SEC24A: variants seen among roughly 807,000 people sequenced by gnomAD.
SEC24A encodes the protein SEC24 homolog A, COPII component, also known as protein transport protein Sec24A.
In SEC24A, 93 loss-of-function variants were observed where a neutral mutation model predicts 129.4. That is an observed-to-expected ratio of 0.72 (90% CI 0.61 to 0.85). The LOEUF (loss-of-function observed/expected upper bound fraction) is 0.85. SEC24A is among the 40% of genes least tolerant of loss of function. SEC24A has a pLI of 0.00. For missense variants in SEC24A, 1,264 were observed against 1,307.4 expected (o/e 0.97, Z 0.51); for synonymous variants, 460 against 467.3 (o/e 0.98, Z 0.20).
At chr5:134,690,976 G>A (rs1406145666) in intron 11 of SEC24A, among the ~76,000 whole-genome samples, 7 of 151,716 alleles carry the variant, frequency 4.6e-5, no homozygotes, top group East Asian at 2.0e-4. Context: ...TCAGCCTTCC[G>A]AGTAGCTGGG....
rs1464324158 is a variant in SEC24A, at chr5:134,693,124, A to G, written c.1779+467A>G. ...TGAGAGGTGAACAGAATGTGTCTGA[A>G]GGGGGGATGTTGTCTACCCTGTACA... On this transcript the variant is annotated intron_variant, in intron 12 of 22. Transcript: ENST00000398844. 2.6e-6 allele frequency: 4 copies of G among 1,535,614 alleles called. No individual in the cohort carries two copies. In the East Asian group the frequency reaches 9.8e-5, roughly 38 times the overall value.
chr5:134,691,418 C>T (rs1180462865), intron 11 of SEC24A, among the ~76,000 whole-genome samples: 1 of 151,466 alleles, frequency 6.6e-6, no homozygotes, highest in Non-Finnish European at 1.5e-5. Context: ...CCACCTGCCT[C>T]AGCCTCCCAA....
At chr5:134,651,455 C>T (rs148828469) in intron 1 of SEC24A, among the ~76,000 whole-genome samples, 1,838 of 150,908 alleles carry the variant, frequency 0.012, 21 homozygotes, top group East Asian at 0.035. Context: ...CCACCACAAC[C>T]GGCTAATTTT....
intron 1 of SEC24A, among the ~76,000 whole-genome samples, chr5:134,654,038 G>A (rs1750154069): frequency 6.6e-6 from 1 of 151,252 alleles, no homozygotes; most frequent in South Asian, 2.1e-4. Flanking sequence ...GCCAGCCTGT[G>A]GTCCCAGCTA....
At chr5:134,704,381 T>TTACC (rs1371693420) in intron 16 of SEC24A, among the ~76,000 whole-genome samples, 1 of 152,122 alleles carries the variant, frequency 6.6e-6, no homozygotes, top group African/African-American at 2.4e-5. Context: ...AAAATTTTCA[T>TTACC]TACCAAAAGC....
intron 15 of SEC24A, among the ~76,000 whole-genome samples, chr5:134,700,512 C>A (rs1751973888): frequency 6.6e-6 from 1 of 151,474 alleles, no homozygotes; most frequent in Non-Finnish European, 1.5e-5. Context: ...AATCACCACG[C>A]CCAGTATAAT....
Position 134,723,432 on chromosome 5 carries a change from C to T in SEC24A, c.3064-135C>T, listed in dbSNP as rs1374026121. 5 of 575,180 alleles carry T rather than the reference C, an allele frequency of 8.7e-6. No individual in the cohort carries two copies. The South Asian group carries it at 9.5e-5, about 11-fold the overall frequency. 35.6% of individuals were successfully genotyped at this position (575,180 alleles called of 1,614,324 possible). A position where few individuals can be genotyped will look rare whatever the true frequency, so the allele number is the denominator to read the frequency against. On this transcript the variant is annotated intron_variant, in intron 21 of 22. Transcript: ENST00000398844. The stretch of plus-strand genomic sequence containing the variant: ...TGAGCCATGATTATGCCACTGCACT[C>T]CAGCCTGTCAACAGAGGCCTTGTCT...
intron 11 of SEC24A, among the ~76,000 whole-genome samples, chr5:134,689,346 A>G (rs1751555512): frequency 6.6e-6 from 1 of 152,252 alleles, no homozygotes; most frequent in South Asian, 2.1e-4. Context: ...AATCGAAAGC[A>G]GAGACTCAAG....
intron 9 of SEC24A, among the ~76,000 whole-genome samples, chr5:134,684,711 TCAAAAAA>T (rs1315221549): frequency 6.7e-6 from 1 of 150,098 alleles, no homozygotes; most frequent in African/African-American, 2.5e-5. Context: ...AGACTCCATC[TCAAAAAA>T]CAAAAAAGAA....
At chr5:134,700,591 T>G (rs1168305699) in intron 15 of SEC24A, among the ~76,000 whole-genome samples, 2 of 151,868 alleles carry the variant, frequency 1.3e-5, no homozygotes, top group African/African-American at 4.8e-5. Context: ...AAAGATCCAC[T>G]AACCTGTTCC....
At chr5:134,662,201 C>A (rs1297293555) in intron 2 of SEC24A, among the ~76,000 whole-genome samples, 1 of 151,980 alleles carries the variant, frequency 6.6e-6, no homozygotes. Context: ...GTCGCCCAGG[C>A]TGGAGTGCAG....
chr5:134,708,481 GT>G (rs1223973560), intron 17 of SEC24A, among the ~76,000 whole-genome samples: 1 of 152,194 alleles, frequency 6.6e-6, no homozygotes, highest in African/African-American at 2.4e-5. Context: ...GGAAGGTTAA[GT>G]TACTTGCCAA....
Position 134,725,204 on chromosome 5 carries a change from T to A in SEC24A, c.*110T>A. Reference sequence around the variant, plus strand: ...TATGTTTGTGGACTAATGTGATGATTGAGATGTTCTCACTGTGATTTCAAC... The same window carrying A: ...TATGTTTGTGGACTAATGTGATGATAGAGATGTTCTCACTGTGATTTCAAC... On this transcript the variant is annotated 3_prime_UTR_variant, in exon 23 of 23. Transcript: ENST00000398844. The A allele has an allele frequency of 1.6e-6, 1 of 617,562 alleles. No individual in the cohort carries two copies. Among genetic ancestry groups the A allele is most frequent in the Non-Finnish European group, 2.8e-6 (1 of 350,932 alleles). 38.3% of individuals were successfully genotyped at this position (617,562 alleles called of 1,614,324 possible). A position where few individuals can be genotyped will look rare whatever the true frequency, so the allele number is the denominator to read the frequency against.
chr5:134,723,387 C>G (rs1307875569), intron 21 of SEC24A, among the ~76,000 whole-genome samples, 180 bp from the exon 22 acceptor site: 1 of 151,902 alleles, frequency 6.6e-6, no homozygotes, highest in Admixed American at 6.6e-5. Context: ...ATCACCGGAG[C>G]CTGGAGGTTG....
rs1751880230 is a variant in SEC24A at position 134,698,011 on chromosome 5, T to G, written c.2220T>G (p.Thr740=). The G allele has an allele frequency of 6.2e-7, 1 of 1,613,966 alleles. No homozygotes were observed. The highest frequency in any genetic ancestry group is 8.5e-7 in the Non-Finnish European group (1 of 1,179,964). The change falls in exon 15 of 23, where the codon ACT becomes ACG. Residue 740 remains threonine (T), a synonymous_variant. Coordinates refer to ENST00000398844, the MANE Select transcript of SEC24A (RefSeq NM_021982.3). ...AGAAGGAACTACAGAGATACCTTAC[T>G]CGGAAGATTGGCTTTGAGGCAGTCA... ...KLQKELQRYL[T]RKIGFEAVMR... is the part of the protein sequence containing the mutation.
chr5:134,705,734 T>A (rs151136273), intron 17 of SEC24A, among the ~76,000 whole-genome samples: 1,869 of 152,246 alleles, frequency 0.012, 20 homozygotes, highest in East Asian at 0.036. Flanking sequence ...ACAATCTAAT[T>A]TTATAACATT....
At chr5:134,655,144 A>AT (rs941968590) in intron 1 of SEC24A, among the ~76,000 whole-genome samples, 1 of 151,930 alleles carries the variant, frequency 6.6e-6, no homozygotes, top group Non-Finnish European at 1.5e-5. Flanking sequence ...GCCACATGAG[A>AT]TTTTTTACTA....
chr5:134,725,149 C>A lies in SEC24A; in HGVS notation c.*55C>A. On this transcript the variant is annotated 3_prime_UTR_variant, in exon 23 of 23. Transcript: ENST00000398844. ...GGAATGTCACGATAGTGCAGAATAC[C>A]TGGAAATGTGTAATACCTTCTTTTT... 1 of 863,486 alleles carries A rather than the reference C, an allele frequency of 1.2e-6. No homozygotes were observed. The allele number at this position is 863,486 out of a possible 1,614,324, so 53.5% of individuals were successfully genotyped here.
At position 134,721,086 on chromosome 5, in the gene SEC24A, C is replaced by G. The variant is rs1277484628; in HGVS notation, c.3059C>G (p.Pro1020Arg). ...CAAAACTATGCATCAATTCCACAGC[C>G]TATGGTAAGACTCTTTTATTATAGT... Reference protein sequence around the residue: ...GVQNYASIPQPMTDLPELDTP... With the variant: ...GVQNYASIPQRMTDLPELDTP... The change falls in exon 21 of 23, where the codon CCT becomes CGT. Residue 1020 changes from proline to arginine, a missense_variant. Coordinates refer to ENST00000398844, the MANE Select transcript of SEC24A (RefSeq NM_021982.3). 6.3e-7 allele frequency: 1 copy of G among 1,583,804 alleles called. No homozygotes were observed.
Sources: allele counts gnomAD v4.1 joint callset (sites outside exome capture counted in the v4.1 genomes callset), GRCh38; gene constraint gnomAD v4.1.1; transcripts MANE v1.5; gene names NCBI Gene and HGNC (gene_info 2026-07-23, HGNC 2026-07-21).